The following TBC1D5 variants were observed in gnomAD, a reference collection of about 807,000 sequenced individuals.
The protein encoded by TBC1D5 is TBC1 domain family member 5.
TBC1D5 carries 75 observed loss-of-function variants against 100.3 expected under a neutral mutation model. The ratio of observed to expected loss-of-function variants is 0.75; its 90% confidence interval spans 0.62 to 0.91. The LOEUF (loss-of-function observed/expected upper bound fraction) is 0.91. Ranked by LOEUF, TBC1D5 falls within the 40% of genes least tolerant of loss-of-function variation. The pLI is 0.00. For synonymous variants in TBC1D5, 323 were observed against 325.6 expected (o/e 0.99, Z 0.09); for missense variants, 910 against 942.4 (o/e 0.97, Z 0.45).
chr3:17,257,360 G>A (rs1289903379), intron 16 of TBC1D5, among the ~76,000 whole-genome samples: 1 of 152,150 alleles, frequency 6.6e-6, no homozygotes, highest in Non-Finnish European at 1.5e-5. Context: ...GGTTTTTACT[G>A]GGCATCTCCT....
intron 1 of TBC1D5, among the ~76,000 whole-genome samples, chr3:17,718,718 C>T (rs2075444775): frequency 6.6e-6 from 1 of 152,102 alleles, no homozygotes; most frequent in Non-Finnish European, 1.5e-5. Context: ...TTCATCATTC[C>T]AAACAGAAAC....
intron 2 of TBC1D5, among the ~76,000 whole-genome samples, chr3:17,613,079 C>T (rs1456443285): frequency 6.6e-6 from 1 of 152,106 alleles, no homozygotes; most frequent in African/African-American, 2.4e-5. Context: ...TGTTCCCTTC[C>T]CTGTGTCCAA....
intron 3 of TBC1D5, among the ~76,000 whole-genome samples, chr3:17,497,593 A>T (rs1576366418): frequency 6.6e-6 from 1 of 152,350 alleles, no homozygotes; most frequent in East Asian, 1.9e-4. Flanking sequence ...AAATCTATTC[A>T]CAAGTCTAAT....
intron 3 of TBC1D5, among the ~76,000 whole-genome samples, chr3:17,466,351 G>GA: frequency 1.3e-5 from 2 of 151,968 alleles, no homozygotes; most frequent in Non-Finnish European, 1.5e-5. Context: ...TGCTTTCAAA[G>GA]AAAAAAATAT....
intron 3 of TBC1D5, among the ~76,000 whole-genome samples, chr3:17,481,627 G>A (rs1189670851): frequency 6.6e-6 from 1 of 152,200 alleles, no homozygotes; most frequent in Non-Finnish European, 1.5e-5. Flanking sequence ...ACTTATTTCA[G>A]AAAAATTAAC....
exon 17 of TBC1D5, chr3:17,238,271 C>T: frequency 3.7e-6 from 6 of 1,614,048 alleles, no homozygotes; most frequent in Non-Finnish European, 5.1e-6. Context: ...GTAGGAATTA[C>T]AACAGAGGAG....
At chr3:17,233,717 G>T in intron 17 of TBC1D5, 3 of 1,546,092 alleles carry the variant, frequency 1.9e-6, no homozygotes, top group Non-Finnish European at 2.6e-6. Flanking sequence ...GACAGGAACA[G>T]AAACCTGAGC....
intron 13 of TBC1D5, among the ~76,000 whole-genome samples, chr3:17,312,030 T>A (rs1464727404): frequency 6.6e-6 from 1 of 152,140 alleles, no homozygotes; most frequent in Non-Finnish European, 1.5e-5. Context: ...AAAATGTTTA[T>A]CTCTGTGCTT....
chr3:17,508,213 A>G (rs2095863664), intron 3 of TBC1D5, among the ~76,000 whole-genome samples: 1 of 152,190 alleles, frequency 6.6e-6, no homozygotes, highest in Non-Finnish European at 1.5e-5. Flanking sequence ...TGCTGAAGTC[A>G]TTGTTCAGTT....
rs533199936 is a variant in TBC1D5, at chr3:17,455,302, A to G, written c.98-26783T>C. ...TGTGTATATATGTATATATGTATGTATATATGTAAATATGTGTATATGTGT... is the reference window on the plus strand; with the variant it reads ...TGTGTATATATGTATATATGTATGTGTATATGTAAATATGTGTATATGTGT... On this transcript the variant is annotated intron_variant, in intron 3 of 21. Transcript: ENST00000253692. Among the ~76,000 whole-genome samples, 23 of 147,116 alleles carry G rather than the reference A, an allele frequency of 1.6e-4. 1 individual carries two copies. In the East Asian group the frequency reaches 4.5e-3, roughly 29 times the overall value.
intron 1 of TBC1D5, among the ~76,000 whole-genome samples, chr3:17,651,876 C>A (rs1437005889): frequency 1.3e-5 from 2 of 152,026 alleles, no homozygotes; most frequent in Non-Finnish European, 2.9e-5. Flanking sequence ...CTCACAAAAA[C>A]CAGAGGTTCA....
intron 1 of TBC1D5, among the ~76,000 whole-genome samples, chr3:17,676,630 T>C (rs1488184619): frequency 1.3e-5 from 2 of 152,198 alleles, no homozygotes; most frequent in Admixed American, 6.5e-5. Context: ...ATGACTTGCT[T>C]CACAGAATTG....
chr3:17,322,282 C>G (rs2085514693), intron 13 of TBC1D5, among the ~76,000 whole-genome samples: 1 of 152,108 alleles, frequency 6.6e-6, no homozygotes. Context: ...GTTTTGTTTT[C>G]AATGTTTCTG....
chr3:17,416,085 T>C (rs1253918382), intron 4 of TBC1D5, among the ~76,000 whole-genome samples: 1 of 152,204 alleles, frequency 6.6e-6, no homozygotes, highest in African/African-American at 2.4e-5. Flanking sequence ...TTAAAGCATG[T>C]TTTCCAATAG....
chr3:17,279,687 G>A (rs1236729651), intron 15 of TBC1D5, among the ~76,000 whole-genome samples: 2 of 152,088 alleles, frequency 1.3e-5, no homozygotes, highest in African/African-American at 4.8e-5. Flanking sequence ...TAGTAACTTT[G>A]TTCTCAGTCT....
chr3:17,587,310 A>G (rs1026820982), intron 2 of TBC1D5, among the ~76,000 whole-genome samples: 1 of 152,020 alleles, frequency 6.6e-6, no homozygotes, highest in African/African-American at 2.4e-5. Context: ...TTCATTCTCT[A>G]TTAGTTCTTA....
chr3:17,331,206 G>A (rs2086823855), intron 13 of TBC1D5, among the ~76,000 whole-genome samples: 1 of 152,058 alleles, frequency 6.6e-6, no homozygotes, highest in Admixed American at 6.6e-5. Flanking sequence ...GCTCTTCCTG[G>A]CTTTACCTGC....
chr3:17,273,809 C>CAAAA lies in TBC1D5; in HGVS notation c.1246-15222_1246-15219dup, dbSNP rs11450142. On this transcript the variant is annotated intron_variant, in intron 15 of 21. Coordinates refer to ENST00000253692, the Ensembl canonical transcript of TBC1D5. ...ATGACAAGAGCAAAACTCTGTATCT[C>CAAAA]AAAAAAAAAAAAAAAAAAATTGCTA... 7.0e-5 allele frequency among the ~76,000 whole-genome samples: 8 copies of CAAAA among 114,986 alleles called. No individual in the cohort carries two copies. The South Asian group carries it at 2.1e-3, about 31-fold the overall frequency. 75.4% of individuals were successfully genotyped at this position (114,986 alleles called of 152,430 possible).
intron 2 of TBC1D5, among the ~76,000 whole-genome samples, chr3:17,524,934 T>A (rs1420141191): frequency 6.6e-6 from 1 of 151,042 alleles, no homozygotes; most frequent in Non-Finnish European, 1.5e-5. Flanking sequence ...TTTAAAATGC[T>A]CTGATGTAAA....
Sources: gnomAD v4.1 joint callset for allele counts (sites outside exome capture counted in the v4.1 genomes callset) on GRCh38, gnomAD v4.1.1 for gene constraint, MANE v1.5 for transcripts, NCBI Gene and HGNC (gene_info 2026-07-23, HGNC 2026-07-21) for gene names.